The following PPP1R17 variants were observed in gnomAD, a reference collection of about 807,000 sequenced individuals.
The protein encoded by PPP1R17 is G-substrate.
Under a neutral mutation model 15.9 loss-of-function variants are expected in PPP1R17, and 12 were observed. The ratio of observed to expected loss-of-function variants is 0.75; its 90% CI spans 0.48 to 1.22. PPP1R17 has a LOEUF of 1.22. PPP1R17 is among the 50% of genes most tolerant of loss of function. The pLI is 0.00. For missense variants in PPP1R17, 211 were observed against 187.3 expected (o/e 1.13, Z -0.74); for synonymous variants, 63 against 64.5 (o/e 0.98, Z 0.11).
chr7:31,695,359 G>C (rs1162605587), intron 2 of PPP1R17, 110 bp from the exon 3 acceptor site: 1 of 974,042 alleles, frequency 1.0e-6, no homozygotes, highest in Non-Finnish European at 1.5e-6. Flanking sequence ...TTCCTTTTCA[G>C]GCCAAATCAC....
rs537678943 is a variant in PPP1R17, at chr7:31,704,859, G to C, written c.389-2345G>C. 2.6e-5 allele frequency among the ~76,000 whole-genome samples: 4 copies of C among 152,236 alleles called. No homozygotes were observed. The South Asian group carries it at 6.2e-4, about 24-fold the overall frequency. On this transcript the variant is annotated intron_variant, in intron 4 of 4. Transcript: ENST00000342032. ...GCACCTCTGCTTCCCCTGAAAGCATGAGGGTCAGAAGGAGGTTAAACCAGA... is the reference window on the plus strand; with the variant it reads ...GCACCTCTGCTTCCCCTGAAAGCATCAGGGTCAGAAGGAGGTTAAACCAGA...
chr7:31,692,576 T>G (rs1583828550), intron 2 of PPP1R17, 53 bp downstream of exon 2: 1 of 1,515,156 alleles, frequency 6.6e-7, no homozygotes, highest in East Asian at 2.3e-5. Flanking sequence ...AGAAGAGGCG[T>G]CTCAGCCATT....
At position 31,694,387 on chromosome 7, in the gene PPP1R17, A is replaced by AACAC. The variant is rs533091870; in HGVS notation, c.83-1056_83-1053dup. On this transcript the variant is annotated intron_variant, in intron 2 of 4. Transcript: ENST00000342032. Reference sequence around the variant, plus strand: ...ATTTTAGCTCTCTCTCTCTCTCTCAAACACACACACACACACACACACACA... The same window carrying AACAC: ...ATTTTAGCTCTCTCTCTCTCTCTCAAACACACACACACACACACACACACACACA... Among the ~76,000 whole-genome samples the AACAC allele has an allele frequency of 1.5e-3, 212 of 141,674 alleles. 1 individual carries two copies. Among genetic ancestry groups the AACAC allele is most frequent in the African/African-American group, 4.0e-3 (154 of 38,138 alleles). 92.9% of individuals were successfully genotyped at this position (141,674 alleles called of 152,430 possible). A position where few individuals can be genotyped will look rare whatever the true frequency, so the allele number is the denominator to read the frequency against.
chr7:31,691,655 G>C (rs1019467911), intron 1 of PPP1R17, among the ~76,000 whole-genome samples: 2 of 151,870 alleles, frequency 1.3e-5, no homozygotes, highest in African/African-American at 2.4e-5. Context: ...GGACAGATTT[G>C]TTCTCATGTC....
At chr7:31,693,878 T>C (rs1028312096) in intron 2 of PPP1R17, among the ~76,000 whole-genome samples, 11 of 152,236 alleles carry the variant, frequency 7.2e-5, no homozygotes, top group African/African-American at 2.4e-4. Context: ...CCAATTACTC[T>C]TTTAAAATTT....
chr7:31,696,088 GA>G (rs2128241439), intron 3 of PPP1R17: 1 of 152,806 alleles, frequency 6.5e-6, no homozygotes, highest in African/African-American at 2.4e-5. Flanking sequence ...GGTAAGCTGG[GA>G]AATGAACCCA....
rs1165645713 is a variant in PPP1R17 at position 31,692,343 on chromosome 7, C to T, written c.-36-63C>T. 4.1e-6 allele frequency: 4 copies of T among 974,060 alleles called. No individual in the cohort carries two copies. The Admixed American group carries it at 6.4e-5, about 16-fold the overall frequency. 60.3% of individuals were successfully genotyped at this position (974,060 alleles called of 1,614,324 possible). On this transcript the variant is annotated intron_variant, in intron 1 of 4. Coordinates refer to ENST00000342032, the MANE Select transcript of PPP1R17 (RefSeq NM_006658.5). ...GTGCTCAACAAATATATTTACTTAG[C>T]AAATGATTGAATGAATGAATAAACA...
Position 31,707,087 on chromosome 7 carries a change from T to C in PPP1R17, c.389-117T>C, listed in dbSNP as rs561638034. On this transcript the variant is annotated intron_variant, in intron 4 of 4. Coordinates refer to ENST00000342032, the MANE Select transcript of PPP1R17 (RefSeq NM_006658.5). ...GGGTTGGTACTGTTAGCAGGTAACC[T>C]TGTAGACACTAAGAGGTTTCTGGGT... The C allele has an allele frequency of 1.1e-4, 98 of 871,548 alleles. 1 individual carries two copies. In the African/African-American group the frequency reaches 1.5e-3, roughly 14 times the overall value. The allele number at this position is 871,548 out of a possible 1,614,324, so 54.0% of individuals were successfully genotyped here. A position where few individuals can be genotyped will look rare whatever the true frequency, so the allele number is the denominator to read the frequency against.
At chr7:31,689,030 G>A (rs1352428268) in intron 1 of PPP1R17, among the ~76,000 whole-genome samples, 1 of 152,188 alleles carries the variant, frequency 6.6e-6, no homozygotes, top group African/African-American at 2.4e-5. Context: ...TCATAGTTTT[G>A]CTGCAGAAAT....
At chr7:31,697,665 G>C (rs146970173) in intron 4 of PPP1R17, among the ~76,000 whole-genome samples, 4 of 152,306 alleles carry the variant, frequency 2.6e-5, no homozygotes, top group Non-Finnish European at 5.9e-5. Context: ...TGGGGAATAA[G>C]ACACGTATAT....
chr7:31,701,453 G>A (rs986229531), intron 4 of PPP1R17, among the ~76,000 whole-genome samples: 16 of 152,226 alleles, frequency 1.1e-4, no homozygotes, highest in Non-Finnish European at 1.8e-4. Context: ...GGTTTCTTGA[G>A]ATGAAATCTA....
intron 4 of PPP1R17, among the ~76,000 whole-genome samples, chr7:31,701,502 A>G (rs1396706716): frequency 6.6e-6 from 1 of 152,254 alleles, no homozygotes; most frequent in African/African-American, 2.4e-5. Context: ...TGAAATGACA[A>G]CAAAGGGTTT....
At chr7:31,706,465 A>G (rs1793075422) in intron 4 of PPP1R17, among the ~76,000 whole-genome samples, 1 of 152,244 alleles carries the variant, frequency 6.6e-6, no homozygotes, top group Admixed American at 6.5e-5. Flanking sequence ...ATCTCAAAAT[A>G]AAGAACAGCT....
Position 31,707,422 on chromosome 7 carries a change from T to C in PPP1R17, c.*139T>C. On this transcript the variant is annotated 3_prime_UTR_variant, in exon 5 of 5. Coordinates refer to ENST00000342032, the MANE Select transcript of PPP1R17 (RefSeq NM_006658.5). ...TCAGACACCTTCTCCCCAGGAGATG[T>C]ATGCCATCAAATTGCCAGTCACCTC... 1 of 654,246 alleles carries C rather than the reference T, an allele frequency of 1.5e-6. No homozygotes were observed. The highest frequency in any genetic ancestry group is 2.6e-6 in the Non-Finnish European group (1 of 385,716). The allele number at this position is 654,246 out of a possible 1,614,324, so 40.5% of individuals were successfully genotyped here.
chr7:31,692,401 C>T lies in PPP1R17; in HGVS notation c.-36-5C>T. On this transcript the variant is annotated splice_region_variant and splice_polypyrimidine_tract_variant and intron_variant, in intron 1 of 4. Transcript: ENST00000342032. ...ACTTATTAACTGTTTTTTATACTTC[C>T]TTAGTGCTGGAGAAGAAATACATCC... The T allele has an allele frequency of 6.8e-7, 1 of 1,477,478 alleles. No homozygotes were observed. The highest frequency in any genetic ancestry group is 1.1e-5 in the South Asian group (1 of 87,182). The allele number at this position is 1,477,478 out of a possible 1,614,324, so 91.5% of individuals were successfully genotyped here.
intron 2 of PPP1R17, 22 bp from the exon 3 acceptor site, chr7:31,695,447 C>A: frequency 6.3e-7 from 1 of 1,583,214 alleles, no homozygotes; most frequent in Non-Finnish European, 8.6e-7. Context: ...TTCTTTATTT[C>A]TTTGTATCCT....
chr7:31,695,848 A>G (rs1792557264), intron 3 of PPP1R17: 4 of 353,244 alleles, frequency 1.1e-5, no homozygotes, highest in African/African-American at 2.1e-5. Flanking sequence ...ACCTACCAAT[A>G]GTGAAACCAT....
intron 2 of PPP1R17, among the ~76,000 whole-genome samples, chr7:31,693,449 A>G (rs950263170): frequency 5.9e-5 from 9 of 152,218 alleles, no homozygotes; most frequent in Admixed American, 5.9e-4. Flanking sequence ...ATTAAGATAC[A>G]TAGTCCCAAG....
intron 1 of PPP1R17, among the ~76,000 whole-genome samples, chr7:31,691,664 T>C (rs187920192): frequency 2.2e-4 from 34 of 152,016 alleles, no homozygotes; most frequent in Non-Finnish European, 3.4e-4. Flanking sequence ...TGTTCTCATG[T>C]CTGGAATCCC....
Sources: allele counts gnomAD v4.1 joint callset (sites outside exome capture counted in the v4.1 genomes callset), GRCh38; gene constraint gnomAD v4.1.1; transcripts MANE v1.5; gene names NCBI Gene and HGNC (gene_info 2026-07-23, HGNC 2026-07-21).